Variants in NCALD observed in about 807,000 individuals in gnomAD.
The protein encoded by NCALD is neurocalcin delta.
Under a neutral mutation model 18.6 loss-of-function variants are expected in NCALD, and 10 were observed. That is an observed-to-expected ratio of 0.54 (90% CI 0.33 to 0.91). The LOEUF is 0.91. Ranked by LOEUF, NCALD falls within the 40% of genes least tolerant of loss-of-function variation. The pLI is 0.03. For missense variants in NCALD, 184 were observed against 247.6 expected (o/e 0.74, Z 1.72); for synonymous variants, 88 against 87.4 (o/e 1.01, Z -0.04).
intron 2 of NCALD, among the ~76,000 whole-genome samples, chr8:101,923,104 C>T (rs984366395): frequency 6.6e-6 from 1 of 152,078 alleles, no homozygotes; most frequent in African/African-American, 2.4e-5. Context: ...AGCATTTGGC[C>T]CTTTTTGTCC....
chr8:101,919,494 C>A (rs1818087665), intron 2 of NCALD, among the ~76,000 whole-genome samples: 1 of 152,102 alleles, frequency 6.6e-6, no homozygotes, highest in Non-Finnish European at 1.5e-5. Flanking sequence ...ACTAGGCCCT[C>A]AAAAGCAATT....
intron 1 of NCALD, among the ~76,000 whole-genome samples, chr8:102,065,032 A>AAT (rs1218735880): frequency 2.0e-5 from 3 of 149,842 alleles, no homozygotes; most frequent in Admixed American, 6.6e-5. Flanking sequence ...AAAAAAAAAA[A>AAT]ATCAAGAAAC....
intron 2 of NCALD, among the ~76,000 whole-genome samples, chr8:101,963,117 C>T (rs1181359649): frequency 6.6e-6 from 1 of 152,086 alleles, no homozygotes; most frequent in Non-Finnish European, 1.5e-5. Flanking sequence ...TAACAATTGG[C>T]TTTTATAAAC....
At chr8:101,798,582 TCTAA>T (rs1254752129) in intron 4 of NCALD, among the ~76,000 whole-genome samples, 2 of 152,204 alleles carry the variant, frequency 1.3e-5, no homozygotes, top group African/African-American at 2.4e-5. Flanking sequence ...TCAACTAACC[TCTAA>T]CTGATTTACA....
At chr8:101,728,401 C>T (rs1029755172) in intron 1 of NCALD, among the ~76,000 whole-genome samples, 1 of 152,220 alleles carries the variant, frequency 6.6e-6, no homozygotes, top group African/African-American at 2.4e-5. Context: ...AGAGGAAAAG[C>T]CTCAATGCAA....
intron 2 of NCALD, among the ~76,000 whole-genome samples, chr8:101,934,327 A>G (rs1049445250): frequency 3.3e-5 from 5 of 152,194 alleles, no homozygotes; most frequent in African/African-American, 1.2e-4. Context: ...GTTTTGAAAA[A>G]TGAGTGGGGA....
At chr8:101,877,997 T>G (rs1370295709) in intron 4 of NCALD, among the ~76,000 whole-genome samples, 1 of 152,206 alleles carries the variant, frequency 6.6e-6, no homozygotes, top group Admixed American at 6.5e-5. Flanking sequence ...AATACTAAAT[T>G]TTGAACTCCC....
chr8:102,105,521 G>A (rs980014196), intron 1 of NCALD, among the ~76,000 whole-genome samples: 1 of 152,186 alleles, frequency 6.6e-6, no homozygotes, highest in Non-Finnish European at 1.5e-5. Context: ...GCCAGGACAT[G>A]CTGAGGGAAA....
At chr8:101,732,461 CAT>C (rs751203198) in intron 1 of NCALD, among the ~76,000 whole-genome samples, 5 of 151,956 alleles carry the variant, frequency 3.3e-5, no homozygotes, top group Non-Finnish European at 4.4e-5. Flanking sequence ...ATTTGGCACA[CAT>C]GTGTTTAACA....
intron 4 of NCALD, among the ~76,000 whole-genome samples, chr8:101,838,190 C>A (rs992660622): frequency 6.6e-6 from 1 of 151,992 alleles, no homozygotes; most frequent in African/African-American, 2.4e-5. Context: ...TTCATATAAC[C>A]TTTCTGTAGT....
At chr8:101,719,180 C>T (rs1816232439) in intron 2 of NCALD, 72 bp downstream of exon 2, 2 of 1,541,220 alleles carry the variant, frequency 1.3e-6, no homozygotes, top group Non-Finnish European at 1.8e-6. Context: ...CTGCACCGTG[C>T]TATACTGTGC....
At chr8:102,076,654 T>C (rs556248713) in intron 1 of NCALD, among the ~76,000 whole-genome samples, 2 of 152,322 alleles carry the variant, frequency 1.3e-5, no homozygotes, top group Non-Finnish European at 2.9e-5. Context: ...ATACTTGTAT[T>C]CACCTAAGAG....
intron 2 of NCALD, among the ~76,000 whole-genome samples, chr8:101,923,220 AG>A (rs1479608754): frequency 1.1e-4 from 17 of 152,324 alleles, no homozygotes; most frequent in Admixed American, 1.3e-4. Flanking sequence ...TGGACTTTCC[AG>A]CCTCCAGAAC....
chr8:101,938,660 A>AG (rs938205724), intron 2 of NCALD, among the ~76,000 whole-genome samples: 9 of 152,222 alleles, frequency 5.9e-5, no homozygotes, highest in African/African-American at 2.2e-4. Flanking sequence ...AATGGTAAAA[A>AG]AAAAAACTTG....
In NCALD at chr8:101,844,481, C is replaced by A. The variant is rs1194795093; in HGVS notation, c.-20+42660G>T. ...CTAGCAATCCTTCTGCCTCATTTTC[C>A]CCTGAGTAGCTGAGATTACACACAC... On this transcript the variant is annotated intron_variant, in intron 4 of 6. Coordinates refer to the NCALD transcript ENST00000311028. Among the ~76,000 whole-genome samples, 3 of 152,006 alleles carry A rather than the reference C, an allele frequency of 2.0e-5. No homozygotes were observed. In the East Asian group the frequency reaches 5.8e-4, roughly 29 times the overall value.
chr8:101,943,994 A>C (rs1269740040), intron 2 of NCALD, among the ~76,000 whole-genome samples: 1 of 152,042 alleles, frequency 6.6e-6, no homozygotes, highest in Non-Finnish European at 1.5e-5. Context: ...AAAAACAGAA[A>C]AAAACAGGGG....
intron 2 of NCALD, among the ~76,000 whole-genome samples, chr8:101,988,081 G>C (rs538611986): frequency 2.6e-3 from 393 of 151,260 alleles, no homozygotes; most frequent in Non-Finnish European, 5.0e-3. Context: ...CGGGAATCCG[G>C]GAGGCGGAGC....
rs73699577 is a variant in NCALD, at chr8:101,688,151, T to G, written c.*1158A>C. The G allele has an allele frequency of 4.4e-5, 7 of 157,402 alleles. No individual in the cohort carries two copies. The highest frequency in any genetic ancestry group is 1.7e-4 in the African/African-American group (7 of 41,586). The allele number at this position is 157,402 out of a possible 1,614,324, so 9.8% of individuals were successfully genotyped here. On this transcript the variant is annotated 3_prime_UTR_variant, in exon 4 of 4. Transcript: ENST00000220931. ...TATTGATCTGCTCAGAAAAGCACCA[T>G]GCCGCCAGTCTAATGCTGTCAATGG...
intron 1 of NCALD, among the ~76,000 whole-genome samples, chr8:102,114,229 G>A (rs1003453315): frequency 2.6e-5 from 4 of 152,230 alleles, no homozygotes; most frequent in Non-Finnish European, 4.4e-5. Context: ...AGATGTGGAG[G>A]TACTGCCTTC....
Sources: allele counts gnomAD v4.1 joint callset (sites outside exome capture counted in the v4.1 genomes callset), GRCh38; gene constraint gnomAD v4.1.1; transcripts MANE v1.5; gene names NCBI Gene and HGNC (gene_info 2026-07-23, HGNC 2026-07-21).